Variants in PPARGC1A observed in about 807,000 individuals in gnomAD.
PPARGC1A encodes the protein PPARG coactivator 1 alpha.
A neutral mutation model predicts 88.7 loss-of-function variants in PPARGC1A; 25 were observed. The observed-to-expected ratio is 0.28, with a 90% CI of 0.21 to 0.39. The LOEUF is 0.39. Ranked by LOEUF, PPARGC1A falls within the 10% of genes least tolerant of loss-of-function variation. PPARGC1A has a pLI of 1.00. For synonymous variants in PPARGC1A, 363 were observed against 355.6 expected, an observed-to-expected ratio of 1.02 and a Z score of -0.24; for missense variants, 880 against 968.7, an observed-to-expected ratio of 0.91 and a Z score of 1.22.
chr4:23,878,305 C>T (rs1244975007), intron 2 of PPARGC1A, among the ~76,000 whole-genome samples: 1 of 151,046 alleles, frequency 6.6e-6, no homozygotes, highest in East Asian at 2.0e-4. Context: ...TACACATTCT[C>T]ACTTTGCAAA....
At chr4:24,165,680 A>T in the PPARGC1A span, among the ~76,000 whole-genome samples, 37 of 152,268 alleles carry the variant, frequency 2.4e-4, no homozygotes, top group African/African-American at 8.7e-4. Flanking sequence ...GTGATCTGTG[A>T]TCAGTGAACT....
chr4:23,923,631 TAC>T, the PPARGC1A span, among the ~76,000 whole-genome samples: 1 of 152,134 alleles, frequency 6.6e-6, no homozygotes, highest in Non-Finnish European at 1.5e-5. Flanking sequence ...GCTGTCAGAA[TAC>T]AAAGGAAGGG....
At chr4:24,037,186 A>T in the PPARGC1A span, among the ~76,000 whole-genome samples, 1 of 152,202 alleles carries the variant, frequency 6.6e-6, no homozygotes, top group Non-Finnish European at 1.5e-5. Flanking sequence ...TCATTTACTA[A>T]CCTTGGCAAT....
At chr4:23,841,230 G>A (rs1352574013) in intron 2 of PPARGC1A, among the ~76,000 whole-genome samples, 1 of 152,032 alleles carries the variant, frequency 6.6e-6, no homozygotes, top group Non-Finnish European at 1.5e-5. Context: ...GACCATGCAG[G>A]AGTATTGACT....
At chr4:24,454,729 C>T in the PPARGC1A span, among the ~76,000 whole-genome samples, 2 of 140,632 alleles carry the variant, frequency 1.4e-5, no homozygotes, top group Admixed American at 1.4e-4. Flanking sequence ...TAGAAAGAGA[C>T]CTTGTCTCAA....
At chr4:24,150,549 A>G in the PPARGC1A span, among the ~76,000 whole-genome samples, 1 of 152,170 alleles carries the variant, frequency 6.6e-6, no homozygotes, top group Non-Finnish European at 1.5e-5. Context: ...TATTACAACC[A>G]AGAGGTCCTT....
chr4:24,066,179 G>C, the PPARGC1A span, among the ~76,000 whole-genome samples: 1 of 151,974 alleles, frequency 6.6e-6, no homozygotes, highest in Non-Finnish European at 1.5e-5. Flanking sequence ...AGCCGAACGA[G>C]GGAGGACGAC....
chr4:24,113,283 T>G, the PPARGC1A span, among the ~76,000 whole-genome samples: 1 of 152,042 alleles, frequency 6.6e-6, no homozygotes, highest in Admixed American at 6.6e-5. Context: ...AATGAAGAGA[T>G]GGATGGATGG....
chr4:23,949,411 A>ACG, the PPARGC1A span, among the ~76,000 whole-genome samples: 1 of 152,166 alleles, frequency 6.6e-6, no homozygotes, highest in Non-Finnish European at 1.5e-5. Flanking sequence ...GCGGCTGGCT[A>ACG]TAGCTGCCAG....
intron 2 of PPARGC1A, among the ~76,000 whole-genome samples, chr4:23,865,639 G>A (rs957478482): frequency 1.3e-5 from 2 of 152,266 alleles, no homozygotes; most frequent in Admixed American, 1.3e-4. Context: ...TGAGGACTGA[G>A]GCCTTGTGTT....
chr4:23,820,370 C>T (rs1215517157), intron 7 of PPARGC1A: 1 of 155,572 alleles, frequency 6.4e-6, no homozygotes, highest in African/African-American at 2.4e-5. Context: ...ACAATGTTTA[C>T]AGTAATAACA....
chr4:24,285,119 C>G, the PPARGC1A span, among the ~76,000 whole-genome samples: 5 of 152,278 alleles, frequency 3.3e-5, no homozygotes, highest in African/African-American at 1.2e-4. Flanking sequence ...CTTTTGTTCT[C>G]ATGAGAACTT....
the PPARGC1A span, among the ~76,000 whole-genome samples, chr4:24,188,119 A>G: frequency 6.6e-6 from 1 of 152,366 alleles, no homozygotes; most frequent in Non-Finnish European, 1.5e-5. Context: ...ATGGCATAAT[A>G]TAATTCCAAA....
chr4:24,163,214 T>A, the PPARGC1A span, among the ~76,000 whole-genome samples: 3 of 148,278 alleles, frequency 2.0e-5, no homozygotes, highest in Non-Finnish European at 4.4e-5. Flanking sequence ...CCATACTAGA[T>A]AAAAGATTTG....
chr4:23,977,238 C>T, the PPARGC1A span, among the ~76,000 whole-genome samples: 90,255 of 151,896 alleles, frequency 0.59, 27,078 homozygotes, highest in Non-Finnish European at 0.62. Flanking sequence ...CTCTCTCCGG[C>T]GCACACGCTC....
the PPARGC1A span, among the ~76,000 whole-genome samples, chr4:23,951,938 T>G: frequency 6.6e-6 from 1 of 152,120 alleles, no homozygotes; most frequent in East Asian, 1.9e-4. Context: ...ATCTGGAAAG[T>G]GTCTGTAGAT....
chr4:23,984,379 T>G, the PPARGC1A span, among the ~76,000 whole-genome samples: 1 of 152,086 alleles, frequency 6.6e-6, no homozygotes, highest in Non-Finnish European at 1.5e-5. Flanking sequence ...CCCAACCCCA[T>G]CTCATCAGTA....
chr4:24,216,174 G>C, the PPARGC1A span, among the ~76,000 whole-genome samples: 2 of 123,572 alleles, frequency 1.6e-5, no homozygotes, highest in African/African-American at 6.3e-5. Context: ...TTGAGACAGA[G>C]TCTCTCCCTG....
At chr4:23,984,957 G>A in the PPARGC1A span, among the ~76,000 whole-genome samples, 2 of 152,016 alleles carry the variant, frequency 1.3e-5, no homozygotes, top group Non-Finnish European at 2.9e-5. Context: ...TAGAGTTGTC[G>A]GACGAACCCA....
Sources: gnomAD v4.1 joint callset for allele counts (sites outside exome capture counted in the v4.1 genomes callset) on GRCh38, gnomAD v4.1.1 for gene constraint, MANE v1.5 for transcripts, NCBI Gene and HGNC (gene_info 2026-07-23, HGNC 2026-07-21) for gene names.